Variants in SPATA7 observed in about 807,000 individuals in gnomAD.
The protein encoded by SPATA7 is spermatogenesis associated 7.
A neutral mutation model predicts 51.8 loss-of-function variants in SPATA7; 43 were observed. The ratio of observed to expected loss-of-function variants is 0.83; its 90% CI spans 0.65 to 1.07. SPATA7 has a LOEUF of 1.07. Among genes scored for constraint, SPATA7 ranks in the 50% least tolerant of loss-of-function variants. SPATA7 has a pLI of 0.00. For synonymous variants in SPATA7, 230 were observed against 252.8 expected (o/e 0.91, Z 0.86); for missense variants, 683 against 701.3 (o/e 0.97, Z 0.30).
chr14:88,454,759 G>A (rs1161147482), intron 3 of SPATA7, among the ~76,000 whole-genome samples: 1 of 151,944 alleles, frequency 6.6e-6, no homozygotes, highest in Non-Finnish European at 1.5e-5. Flanking sequence ...AGTGAGTTGT[G>A]ATCAGGCCAC....
intron 10 of SPATA7, among the ~76,000 whole-genome samples, chr14:88,434,119 T>G (rs1418116726): frequency 6.6e-6 from 1 of 152,186 alleles, no homozygotes; most frequent in Non-Finnish European, 1.5e-5. Context: ...GTTTGGTTAG[T>G]TTTTGCCACC....
chr14:88,411,161 G>A lies in SPATA7; in HGVS notation c.239-5550G>A, dbSNP rs547585617. On this transcript the variant is annotated intron_variant, in intron 4 of 11. Coordinates refer to ENST00000393545, the MANE Select transcript of SPATA7 (RefSeq NM_018418.5). ...CCAGTCTGAACTTCCTGGCGGCTTTGTTTACACTGTGAGGGAAAAACCACC... is the reference window on the plus strand; with the variant it reads ...CCAGTCTGAACTTCCTGGCGGCTTTATTTACACTGTGAGGGAAAAACCACC... Among the ~76,000 whole-genome samples the A allele has an allele frequency of 1.8e-3, 275 of 152,252 alleles. 2 individuals are homozygous for A. The highest frequency in any genetic ancestry group is 3.4e-3 in the Non-Finnish European group (231 of 68,016).
intron 5 of SPATA7, among the ~76,000 whole-genome samples, chr14:88,418,729 C>G (rs1021973505): frequency 1.2e-4 from 19 of 152,202 alleles, no homozygotes; most frequent in African/African-American, 4.6e-4. Context: ...TTGCCTCAGC[C>G]TCCCAAAGTG....
chr14:88,435,128 A>T (rs2077049771), intron 10 of SPATA7, among the ~76,000 whole-genome samples: 1 of 152,188 alleles, frequency 6.6e-6, no homozygotes, highest in Non-Finnish European at 1.5e-5. Context: ...CGTCTTTAAA[A>T]TGGTTTTTAC....
chr14:88,461,965 T>C (rs1054174511), intron 4 of SPATA7, among the ~76,000 whole-genome samples: 2 of 152,220 alleles, frequency 1.3e-5, no homozygotes, highest in African/African-American at 4.8e-5. Context: ...ATAAACTTGT[T>C]GTCTCTGGAG....
chr14:88,446,123 T>C (rs1320740945), intron 3 of SPATA7, among the ~76,000 whole-genome samples: 2 of 151,906 alleles, frequency 1.3e-5, no homozygotes, highest in Non-Finnish European at 2.9e-5. Flanking sequence ...TCCTGGACTC[T>C]TTGGTTGGTA....
downstream of SPATA7, among the ~76,000 whole-genome samples, chr14:88,459,442 C>T (rs543933436): frequency 1.3e-5 from 2 of 152,152 alleles, no homozygotes; most frequent in Non-Finnish European, 2.9e-5. Context: ...ATAATTAGCT[C>T]TTCTTGTTGA....
downstream of SPATA7, among the ~76,000 whole-genome samples, chr14:88,442,973 G>A (rs1361272660): frequency 1.4e-5 from 2 of 139,572 alleles, no homozygotes; most frequent in African/African-American, 2.7e-5. Flanking sequence ...ATAGAGTCTC[G>A]CTCTGTCACC....
At chr14:88,395,597 A>G (rs1004876688) in intron 3 of SPATA7, among the ~76,000 whole-genome samples, 1 of 151,804 alleles carries the variant, frequency 6.6e-6, no homozygotes, top group East Asian at 1.9e-4. Flanking sequence ...GGTGTGATAT[A>G]AGGGTTTTGA....
chr14:88,460,612 A>C (rs909743102), intron 4 of SPATA7, among the ~76,000 whole-genome samples: 1 of 152,126 alleles, frequency 6.6e-6, no homozygotes, highest in Non-Finnish European at 1.5e-5. Context: ...CCATTCATCT[A>C]ATCTTTTTTC....
At position 88,427,646 on chromosome 14, in the gene SPATA7, G is replaced by T. The variant is rs745476359; in HGVS notation, c.862G>T (p.Gly288Trp). 25 of 1,608,020 alleles carry T rather than the reference G, an allele frequency of 1.6e-5. No homozygotes were observed. The South Asian group carries it at 2.8e-4, about 18-fold the overall frequency. Residue 288 changes from glycine (G) to tryptophan (W), a missense_variant, in exon 7 of 12, where the codon GGG becomes TGG. Gly to Trp is a radical substitution (Grantham distance 184). Transcript: ENST00000393545. ...TTATTACAGCTTTAAATCTGAGTTG[G>T]GGACAGCTGAGACTAAAAACATGAC... Reference protein sequence around the residue: ...QTELSFKSELGTAETKNMTDS... With the variant: ...QTELSFKSELWTAETKNMTDS...
chr14:88,424,624 A>G (rs2076739007), intron 5 of SPATA7, among the ~76,000 whole-genome samples: 1 of 152,092 alleles, frequency 6.6e-6, no homozygotes, highest in African/African-American at 2.4e-5. Context: ...GCCCTATAGG[A>G]TATTTTTAGA....
intron 3 of SPATA7, among the ~76,000 whole-genome samples, chr14:88,448,840 G>A (rs533816784): frequency 5.9e-5 from 9 of 152,124 alleles, no homozygotes; most frequent in South Asian, 2.1e-4. Context: ...CAGTCTGCCC[G>A]TTCTCAGATC....
rs373084113 is a variant in SPATA7, at chr14:88,412,897, A to G, written c.239-3814A>G. On this transcript the variant is annotated intron_variant, in intron 4 of 11. Coordinates refer to ENST00000393545, the MANE Select transcript of SPATA7 (RefSeq NM_018418.5). ...TGCCAAGGCCAATGTCCAGCAGAGT[A>G]TATCCTAGGTTTTCTTATAGAATTT... Among the ~76,000 whole-genome samples the G allele has an allele frequency of 3.9e-5, 6 of 152,294 alleles. No individual in the cohort carries two copies. In the South Asian group the frequency reaches 1.0e-3, roughly 26 times the overall value.
intron 4 of SPATA7, among the ~76,000 whole-genome samples, chr14:88,407,665 G>T (rs1359682795): frequency 3.3e-5 from 5 of 152,124 alleles, no homozygotes; most frequent in Non-Finnish European, 7.4e-5. Flanking sequence ...TGGTGTTTTA[G>T]TCATGAAGTC....
At chr14:88,410,485 G>C (rs1233797327) in intron 4 of SPATA7, among the ~76,000 whole-genome samples, 3 of 151,500 alleles carry the variant, frequency 2.0e-5, no homozygotes, top group African/African-American at 7.3e-5. Flanking sequence ...TCTGGTTTTT[G>C]GAATTTTCAA....
In SPATA7 at chr14:88,451,483, C is replaced by T. The variant is rs117777925; in HGVS notation, c.178-3577C>T. 3.4e-3 allele frequency among the ~76,000 whole-genome samples: 510 copies of T among 150,922 alleles called. 12 individuals carry two copies. In the East Asian group the frequency reaches 0.077, roughly 23 times the overall value. On this transcript the variant is annotated intron_variant, in intron 3 of 3. Transcript: ENST00000554802. Reference sequence around the variant, plus strand: ...TGCTCCCGGCCGTGATTGTTTTTTACTTATGCTATTTCACTGGAGATTTTT... The same window carrying T: ...TGCTCCCGGCCGTGATTGTTTTTTATTTATGCTATTTCACTGGAGATTTTT...
In SPATA7 at chr14:88,438,195, C is replaced by T. The variant is rs760844256; in HGVS notation, c.1573C>T (p.Pro525Ser). ...AACTTCAACTTTGGATGAAAATCAT[C>T]CAAGTATTTCAGACAGTTTAACAGA... is the stretch of plus-strand genomic sequence containing the variant. ...LETSTLDENH[P>S]SISDSLTDRE... is the part of the protein sequence containing the mutation. Residue 525 changes from proline to serine, a missense_variant, in exon 12 of 12, where the codon CCA (proline) becomes TCA (serine). Pro to Ser is a moderately conservative substitution (Grantham distance 74, BLOSUM62 -1). Transcript: ENST00000393545. The T allele has an allele frequency of 3.4e-5, 55 of 1,613,766 alleles. 2 individuals are homozygous for T. In the South Asian group the frequency reaches 5.7e-4, roughly 17 times the overall value.
intron 5 of SPATA7, among the ~76,000 whole-genome samples, chr14:88,420,678 AGT>A (rs1472335764): frequency 1.3e-5 from 2 of 152,172 alleles, no homozygotes; most frequent in Non-Finnish European, 2.9e-5. Context: ...GCTCAGAGCC[AGT>A]GTTATTTCAC....
Sources: allele counts gnomAD v4.1 joint callset (sites outside exome capture counted in the v4.1 genomes callset), GRCh38; gene constraint gnomAD v4.1.1; transcripts MANE v1.5; gene names NCBI Gene and HGNC (gene_info 2026-07-23, HGNC 2026-07-21).